GLIPR1L1: variants seen among roughly 807,000 people sequenced by gnomAD.
GLIPR1L1 encodes the protein GLIPR1-like protein 1.
GLIPR1L1 carries 26 observed loss-of-function variants against 29.9 expected under a neutral mutation model. The observed-to-expected ratio is 0.87, with a 90% CI of 0.64 to 1.21. The LOEUF is 1.21. Among genes scored for constraint, GLIPR1L1 ranks in the 50% most tolerant of loss-of-function variants. The pLI is 0.00. For synonymous variants in GLIPR1L1, 77 were observed against 97.5 expected (o/e 0.79, Z 1.24); for missense variants, 305 against 290.3 (o/e 1.05, Z -0.37).
At chr12:75,351,221 T>C (rs993267020) in intron 3 of GLIPR1L1, among the ~76,000 whole-genome samples, 3 of 152,164 alleles carry the variant, frequency 2.0e-5, no homozygotes, top group African/African-American at 7.2e-5. Flanking sequence ...TTGGGGTACC[T>C]GAAATAAATG....
chr12:75,363,184 C>G lies in GLIPR1L1; in HGVS notation c.604C>G (p.Leu202Val). The change falls in exon 4 of 6, where the codon CTC (leucine) becomes GTC (valine). Residue 202 changes from leucine (L) to valine (V), a missense_variant. Leu to Val is a conservative substitution (Grantham distance 32). Coordinates refer to ENST00000378695, the MANE Select transcript of GLIPR1L1 (RefSeq NM_001304964.2). The part of the protein sequence containing the change: ...CSKEEKCVKN[L>V]CRTPQLIIPN... ...AAAAGAAGAGAAATGTGTAAAGAAC[C>G]TCTGCAGTAAGCAAAAATATATATA... 6.8e-7 allele frequency: 1 copy of G among 1,460,052 alleles called. No individual in the cohort carries two copies. The highest frequency in any genetic ancestry group is 9.1e-7 in the Non-Finnish European group (1 of 1,094,518). 90.4% of individuals were successfully genotyped at this position (1,460,052 alleles called of 1,614,324 possible).
At chr12:75,366,261 C>T (rs895514751) in intron 4 of GLIPR1L1, among the ~76,000 whole-genome samples, 3 of 152,010 alleles carry the variant, frequency 2.0e-5, no homozygotes, top group Non-Finnish European at 4.4e-5. Context: ...TATTTCAGAA[C>T]TTAAGCCATA....
rs560254946 is a variant in GLIPR1L1 at position 75,359,129 on chromosome 12, T to C, written c.522-3973T>C. Reference sequence around the variant, plus strand: ...AATCTTTTAGGATACAAAATTAGTATACAAAAATTAATTACATGTCTGTAT... The same window carrying C: ...AATCTTTTAGGATACAAAATTAGTACACAAAAATTAATTACATGTCTGTAT... On this transcript the variant is annotated intron_variant, in intron 3 of 5. Transcript: ENST00000378695. Among the ~76,000 whole-genome samples, 24 of 150,326 alleles carry C rather than the reference T, an allele frequency of 1.6e-4. No individual in the cohort carries two copies. In the South Asian group the frequency reaches 5.0e-3, roughly 31 times the overall value.
At chr12:75,342,713 C>T (rs1473517791) in intron 1 of GLIPR1L1, among the ~76,000 whole-genome samples, 17 of 152,082 alleles carry the variant, frequency 1.1e-4, no homozygotes, top group Admixed American at 1.1e-3. Flanking sequence ...CAATTTCCAC[C>T]CCAAAAAAGC....
intron 1 of GLIPR1L1, among the ~76,000 whole-genome samples, chr12:75,336,258 T>C (rs1248708623): frequency 6.6e-6 from 1 of 151,880 alleles, no homozygotes; most frequent in Non-Finnish European, 1.5e-5. Context: ...AAGTCCTTGA[T>C]TAATTTTTGG....
chr12:75,358,477 T>C (rs74108721), intron 3 of GLIPR1L1, among the ~76,000 whole-genome samples: 2,360 of 151,310 alleles, frequency 0.016, 50 homozygotes, highest in African/African-American at 0.054. Context: ...ATTATCTCAA[T>C]AGATTCAGAA....
chr12:75,335,801 G>A (rs1306816449), intron 1 of GLIPR1L1, among the ~76,000 whole-genome samples: 1 of 151,936 alleles, frequency 6.6e-6, no homozygotes, highest in Non-Finnish European at 1.5e-5. Flanking sequence ...AATATATAAT[G>A]TTTACCAGCT....
chr12:75,354,626 C>G (rs1321517622), intron 3 of GLIPR1L1, among the ~76,000 whole-genome samples: 1 of 152,156 alleles, frequency 6.6e-6, no homozygotes, highest in Non-Finnish European at 1.5e-5. Context: ...TTAGAAAAAA[C>G]TATTTTAAAA....
At chr12:75,351,204 T>C (rs2042786890) in intron 3 of GLIPR1L1, among the ~76,000 whole-genome samples, 1 of 152,196 alleles carries the variant, frequency 6.6e-6, no homozygotes, top group African/African-American at 2.4e-5. Context: ...ATTGAACCTA[T>C]GACTGATTGG....
intron 1 of GLIPR1L1, among the ~76,000 whole-genome samples, chr12:75,340,059 G>T (rs1329867349): frequency 6.6e-6 from 1 of 151,780 alleles, no homozygotes; most frequent in East Asian, 1.9e-4. Flanking sequence ...ACTCCATCCA[G>T]GTTGCTGCAA....
At chr12:75,361,366 C>T (rs949625705) in intron 3 of GLIPR1L1, among the ~76,000 whole-genome samples, 2 of 152,178 alleles carry the variant, frequency 1.3e-5, no homozygotes, top group African/African-American at 4.8e-5. Flanking sequence ...CAATCCAGTA[C>T]AAAGATTTAA....
intron 3 of GLIPR1L1, chr12:75,360,940 G>A (rs1332095645): frequency 1.3e-5 from 2 of 152,118 alleles, no homozygotes; most frequent in South Asian, 2.1e-4. Context: ...GCCCAACACT[G>A]TTGCAGTCTT....
In GLIPR1L1 at chr12:75,334,759, T is replaced by G. The variant is rs543052290; in HGVS notation, c.31T>G (p.Trp11Gly). Residue 11 changes from tryptophan to glycine, a missense_variant, in exon 1 of 6, where the codon TGG becomes GGG. Transcript: ENST00000378695. ...TCTGAAGAATAAATTCAGTTGTTTA[T>G]GGATCTTGGGTCTGTGTTTGGTAGC... is the stretch of plus-strand genomic sequence containing the variant. MALKNKFSCL[W>G]ILGLCLVATT... is the part of the protein sequence containing the mutation. 1 of 1,614,002 alleles carries G rather than the reference T, an allele frequency of 6.2e-7. No individual in the cohort carries two copies. The highest frequency in any genetic ancestry group is 8.5e-7 in the Non-Finnish European group (1 of 1,180,004).
chr12:75,337,565 T>C (rs1270407495), intron 1 of GLIPR1L1, among the ~76,000 whole-genome samples: 5 of 151,958 alleles, frequency 3.3e-5, no homozygotes, highest in Non-Finnish European at 7.4e-5. Flanking sequence ...ATGTTGTTTA[T>C]TGAATGATTA....
At chr12:75,366,966 C>T (rs2044010439) in intron 4 of GLIPR1L1, 1 of 701,586 alleles carries the variant, frequency 1.4e-6, no homozygotes, top group South Asian at 1.5e-5. Flanking sequence ...CAAGGGGCAG[C>T]TTGCAGCTTG....
chr12:75,346,248 T>C (rs2042438086), intron 2 of GLIPR1L1, among the ~76,000 whole-genome samples: 1 of 152,212 alleles, frequency 6.6e-6, no homozygotes, highest in Non-Finnish European at 1.5e-5. Flanking sequence ...ATTTTAGTTG[T>C]ATTTTTGGTT....
At chr12:75,357,575 G>T (rs536915927) in intron 3 of GLIPR1L1, among the ~76,000 whole-genome samples, 7 of 152,082 alleles carry the variant, frequency 4.6e-5, no homozygotes, top group African/African-American at 1.7e-4. Flanking sequence ...AAGTGTACAT[G>T]AAATATTTAA....
intron 1 of GLIPR1L1, among the ~76,000 whole-genome samples, chr12:75,337,626 A>G (rs78451411): frequency 0.038 from 5,740 of 152,096 alleles, 126 homozygotes; most frequent in East Asian, 0.051. Flanking sequence ...AATTTTTTTT[A>G]CATATGTATA....
At chr12:75,354,789 C>G (rs2043043692) in intron 3 of GLIPR1L1, among the ~76,000 whole-genome samples, 1 of 152,072 alleles carries the variant, frequency 6.6e-6, no homozygotes, top group Non-Finnish European at 1.5e-5. Context: ...GACACACAGA[C>G]CAATGGAACA....
Sources: gnomAD v4.1 joint callset for allele counts (sites outside exome capture counted in the v4.1 genomes callset) on GRCh38, gnomAD v4.1.1 for gene constraint, MANE v1.5 for transcripts, NCBI Gene and HGNC (gene_info 2026-07-23, HGNC 2026-07-21) for gene names.